The following PRKD1 variants were observed in gnomAD, a reference collection of about 807,000 sequenced individuals.
PRKD1 encodes serine/threonine-protein kinase D1.
Under a neutral mutation model 95.9 loss-of-function variants are expected in PRKD1, and 63 were observed. The observed-to-expected ratio is 0.66, with a 90% CI of 0.54 to 0.81. The LOEUF (loss-of-function observed/expected upper bound fraction) is 0.81, where lower values mean the gene tolerates loss of function less well. PRKD1 is among the 30% of genes least tolerant of loss of function. PRKD1 has a pLI of 0.00. For synonymous variants in PRKD1, 425 were observed against 423.1 expected, an observed-to-expected ratio of 1.00 and a Z score of -0.05; for missense variants, 1,048 against 1,165.3, an observed-to-expected ratio of 0.90 and a Z score of 1.47.
intron 13 of PRKD1, among the ~76,000 whole-genome samples, chr14:29,601,482 A>T (rs1411571495): frequency 6.6e-6 from 1 of 152,200 alleles, no homozygotes; most frequent in Non-Finnish European, 1.5e-5. Context: ...AAAGGGCTAG[A>T]GTCATTGTTC....
chr14:29,918,260 G>A (rs1434927643), intron 1 of PRKD1, among the ~76,000 whole-genome samples: 2 of 151,960 alleles, frequency 1.3e-5, no homozygotes, highest in South Asian at 2.1e-4. Context: ...AATAATGCTG[G>A]GGAGGGAGAA....
At chr14:29,847,461 A>G (rs1020523738) in intron 1 of PRKD1, among the ~76,000 whole-genome samples, 2 of 152,172 alleles carry the variant, frequency 1.3e-5, no homozygotes, top group African/African-American at 4.8e-5. Flanking sequence ...TGGACATCAC[A>G]AGCAGGTAGG....
chr14:29,826,840 C>CATATATAT lies in PRKD1; in HGVS notation c.264+100408_264+100409insATATATAT, dbSNP rs1460691728. 7.1e-4 allele frequency among the ~76,000 whole-genome samples: 11 copies of CATATATAT among 15,434 alleles called. 1 individual carries two copies. Among genetic ancestry groups the CATATATAT allele is most frequent in the Admixed American group, 9.3e-4 (1 of 1,076 alleles). The allele number at this position is 15,434 out of a possible 152,430, so 10.1% of individuals were successfully genotyped here. A position where few individuals can be genotyped will look rare whatever the true frequency, so the allele number is the denominator to read the frequency against. ...ACATATATATATATATATATATATA[C>CATATATAT]ACACATATATATATATATATATATA... On this transcript the variant is annotated intron_variant, in intron 1 of 17. Transcript: ENST00000331968.
chr14:29,755,855 T>C (rs745595649), intron 1 of PRKD1, among the ~76,000 whole-genome samples: 7 of 152,162 alleles, frequency 4.6e-5, no homozygotes, highest in Non-Finnish European at 8.8e-5. Context: ...TTGACTTTCT[T>C]TGGAACCTGT....
chr14:29,886,280 G>T (rs1893702972), intron 1 of PRKD1, among the ~76,000 whole-genome samples: 1 of 152,206 alleles, frequency 6.6e-6, no homozygotes. Context: ...ATGTTCAACA[G>T]CTCAAACTGC....
intron 1 of PRKD1, among the ~76,000 whole-genome samples, chr14:29,863,271 A>G (rs924343981): frequency 6.6e-6 from 1 of 152,206 alleles, no homozygotes; most frequent in Non-Finnish European, 1.5e-5. Flanking sequence ...CTTTTAATTA[A>G]TAAGGTAGGT....
At chr14:29,887,953 G>A (rs1325813489) in intron 1 of PRKD1, among the ~76,000 whole-genome samples, 1 of 152,164 alleles carries the variant, frequency 6.6e-6, no homozygotes, top group Non-Finnish European at 1.5e-5. Context: ...CTGAGCAAAG[G>A]AATATGTCAT....
At chr14:29,813,788 T>C (rs1390410288) in intron 1 of PRKD1, among the ~76,000 whole-genome samples, 3 of 152,216 alleles carry the variant, frequency 2.0e-5, no homozygotes, top group Admixed American at 1.3e-4. Flanking sequence ...CCAATTACTA[T>C]ATCTACCATT....
chr14:29,664,772 C>T (rs1419308473), intron 3 of PRKD1, among the ~76,000 whole-genome samples: 3 of 152,188 alleles, frequency 2.0e-5, no homozygotes, highest in Non-Finnish European at 4.4e-5. Flanking sequence ...TGTCCTAGCA[C>T]CTTGAATTGT....
At chr14:29,602,197 G>T (rs1049089949) in intron 13 of PRKD1, among the ~76,000 whole-genome samples, 1 of 152,066 alleles carries the variant, frequency 6.6e-6, no homozygotes, top group Non-Finnish European at 1.5e-5. Context: ...CTGTGTGTAG[G>T]CAGACGAAAA....
chr14:29,728,289 T>C (rs1052065261), intron 1 of PRKD1, among the ~76,000 whole-genome samples: 11 of 152,198 alleles, frequency 7.2e-5, no homozygotes, highest in African/African-American at 1.2e-4. Context: ...ATCAACTTCA[T>C]TGAAGTATAA....
intron 1 of PRKD1, among the ~76,000 whole-genome samples, chr14:29,754,265 A>T (rs190720696): frequency 6.6e-5 from 10 of 152,150 alleles, no homozygotes; most frequent in Admixed American, 5.2e-4. Flanking sequence ...ATTACAAATA[A>T]CTCCATCCAT....
chr14:29,584,436 T>C (rs1046020612), intron 16 of PRKD1, among the ~76,000 whole-genome samples: 5 of 152,180 alleles, frequency 3.3e-5, no homozygotes, highest in African/African-American at 1.2e-4. Flanking sequence ...TCATGTTCCA[T>C]TTCCCATTTT....
In PRKD1 at chr14:29,641,687, C is replaced by T. The variant is rs549136823; in HGVS notation, c.697-2783G>A. 1.9e-4 allele frequency among the ~76,000 whole-genome samples: 29 copies of T among 152,100 alleles called. No individual in the cohort carries two copies. In the South Asian group the frequency reaches 3.1e-3, roughly 16 times the overall value. ...AGACTGGGTCATTATCTGATGAGTC[C>T]CTAAGCGCTTATAGGGTTTTTATCC... On this transcript the variant is annotated intron_variant, in intron 4 of 17. Coordinates refer to ENST00000331968, the MANE Select transcript of PRKD1 (RefSeq NM_002742.3).
At chr14:29,646,760 A>G (rs1341957988) in intron 4 of PRKD1, among the ~76,000 whole-genome samples, 1 of 152,022 alleles carries the variant, frequency 6.6e-6, no homozygotes, top group Non-Finnish European at 1.5e-5. Flanking sequence ...ACGAAAAAAA[A>G]AAAAACCCAC....
chr14:29,634,101 A>G (rs1880205359), intron 8 of PRKD1, among the ~76,000 whole-genome samples: 1 of 152,220 alleles, frequency 6.6e-6, no homozygotes, highest in Non-Finnish European at 1.5e-5. Flanking sequence ...ATAAAATTCT[A>G]AATTGCAGTG....
Position 29,638,434 on chromosome 14 carries a change from A to G in PRKD1, c.985+55T>C, listed in dbSNP as rs371818855. 75 of 1,589,508 alleles carry G rather than the reference A, an allele frequency of 4.7e-5. No individual in the cohort carries two copies. The African/African-American group carries it at 9.3e-4, about 20-fold the overall frequency. ...CAAAAACCCTGACTAAAATTACATC[A>G]CCACACTCTCTAATATGGAAGAAGC... On this transcript the variant is annotated intron_variant, in intron 6 of 17. Transcript: ENST00000331968.
intron 1 of PRKD1, among the ~76,000 whole-genome samples, chr14:29,911,914 C>A (rs1336232457): frequency 6.6e-6 from 1 of 152,210 alleles, no homozygotes; most frequent in African/African-American, 2.4e-5. Flanking sequence ...ATAATTCCAA[C>A]ATCTTGTTTC....
intron 4 of PRKD1, among the ~76,000 whole-genome samples, chr14:29,651,253 C>A (rs1288155319): frequency 2.0e-5 from 3 of 152,214 alleles, no homozygotes; most frequent in African/African-American, 7.2e-5. Context: ...GAAAAGCACT[C>A]ACTCAATGAA....
Sources: gnomAD v4.1 joint callset for allele counts (sites outside exome capture counted in the v4.1 genomes callset) on GRCh38, gnomAD v4.1.1 for gene constraint, MANE v1.5 for transcripts, NCBI Gene and HGNC (gene_info 2026-07-23, HGNC 2026-07-21) for gene names.